RIMBP2: variants seen among roughly 807,000 people sequenced by gnomAD.
RIMBP2 encodes RIMS-binding protein 2.
In RIMBP2, 48 loss-of-function variants were observed where a neutral mutation model predicts 118.6. The observed-to-expected ratio is 0.40, with a 90% CI of 0.32 to 0.51. RIMBP2 has a LOEUF of 0.51. RIMBP2 is among the 20% of genes least tolerant of loss of function. The pLI, the probability that RIMBP2 is intolerant of heterozygous loss-of-function variation, is 0.41. For synonymous variants in RIMBP2, 762 were observed against 742.9 expected (o/e 1.03, Z -0.42); for missense variants, 1,551 against 1,768.3 (o/e 0.88, Z 2.20).
intron 2 of RIMBP2, among the ~76,000 whole-genome samples, chr12:130,595,436 T>C (rs1262758979): frequency 1.3e-5 from 2 of 152,070 alleles, no homozygotes; most frequent in African/African-American, 4.8e-5. Context: ...CGGGCGCCTG[T>C]AGTCCCAGCT....
intron 1 of RIMBP2, among the ~76,000 whole-genome samples, chr12:130,715,607 C>G (rs1950273328): frequency 2.0e-5 from 3 of 152,270 alleles, no homozygotes; most frequent in East Asian, 1.9e-4. Context: ...CGCACACACT[C>G]TGCCGGGGAA....
At chr12:130,438,016 C>T (rs906074720) in intron 12 of RIMBP2, among the ~76,000 whole-genome samples, 9 of 152,200 alleles carry the variant, frequency 5.9e-5, no homozygotes, top group Admixed American at 1.3e-4. Context: ...TAAGGCGGGA[C>T]GCGCCTTCGG....
chr12:130,591,892 A>G (rs554460942), intron 2 of RIMBP2, among the ~76,000 whole-genome samples: 1 of 152,366 alleles, frequency 6.6e-6, no homozygotes, highest in South Asian at 2.1e-4. Flanking sequence ...CTCAAAGTTA[A>G]CTGTGCATTT....
chr12:130,543,714 G>A (rs531226853), intron 2 of RIMBP2, among the ~76,000 whole-genome samples: 1 of 151,058 alleles, frequency 6.6e-6, no homozygotes, highest in South Asian at 2.1e-4. Flanking sequence ...GACACCACAT[G>A]AATTTGGCCA....
Position 130,475,813 on chromosome 12 carries a change from T to C in RIMBP2, c.102+3099A>G, listed in dbSNP as rs1391252911. Among the ~76,000 whole-genome samples, 1 of 151,526 alleles carries C rather than the reference T, an allele frequency of 6.6e-6. No individual in the cohort carries two copies. Among genetic ancestry groups the C allele is most frequent in the Non-Finnish European group, 1.5e-5 (1 of 67,908 alleles). On this transcript the variant is annotated intron_variant, in intron 5 of 22. Transcript: ENST00000690449. The surrounding 1 kb of genome is among the most constrained non-coding windows in gnomAD (Gnocchi z 4.1). The stretch of plus-strand genomic sequence containing the variant: ...GTACAAAAACGGGAGATGCTGCCGT[T>C]TACGGAGCTCAAGGAGTTCAGCAGA...
At chr12:130,559,024 C>A (rs1405711275) in intron 2 of RIMBP2, among the ~76,000 whole-genome samples, 3 of 151,936 alleles carry the variant, frequency 2.0e-5, no homozygotes, top group Non-Finnish European at 4.4e-5. Context: ...TATGCCAATA[C>A]CTTGTTTTTT....
At chr12:130,579,734 G>A (rs141115704) in intron 2 of RIMBP2, among the ~76,000 whole-genome samples, 15 of 152,060 alleles carry the variant, frequency 9.9e-5, no homozygotes, top group South Asian at 2.1e-4. Context: ...ACTCGTGCCC[G>A]GTCAATAAAT....
intron 2 of RIMBP2, among the ~76,000 whole-genome samples, chr12:130,555,851 G>A (rs937722159): frequency 2.6e-5 from 4 of 152,126 alleles, no homozygotes; most frequent in Admixed American, 1.3e-4. Flanking sequence ...AAAGTTAATC[G>A]TCATCTGGTT....
chr12:130,624,965 C>T (rs542253162), intron 2 of RIMBP2, among the ~76,000 whole-genome samples: 54 of 152,240 alleles, frequency 3.5e-4, no homozygotes, highest in African/African-American at 1.2e-3. Flanking sequence ...CCTTGTGATC[C>T]GCCCACGTCG....
intron 1 of RIMBP2, among the ~76,000 whole-genome samples, chr12:130,646,037 AGTTC>A (rs2062863016): frequency 6.6e-6 from 1 of 151,956 alleles, no homozygotes; most frequent in African/African-American, 2.4e-5. Flanking sequence ...TGCGGCAGCC[AGTTC>A]CCTCTCCACC....
intron 1 of RIMBP2, among the ~76,000 whole-genome samples, chr12:130,652,284 G>GTATC (rs2063260417): frequency 6.6e-6 from 1 of 152,178 alleles, no homozygotes; most frequent in African/African-American, 2.4e-5. Context: ...TGTTTACATA[G>GTATC]TATCTATGGC....
chr12:130,462,069 G>A (rs1411707382), intron 6 of RIMBP2, among the ~76,000 whole-genome samples: 1 of 152,218 alleles, frequency 6.6e-6, no homozygotes, highest in Non-Finnish European at 1.5e-5. Flanking sequence ...TGGCCGTGGT[G>A]CTGCTCTGCA....
chr12:130,683,204 A>T lies in RIMBP2; in HGVS notation c.-352+33018T>A, dbSNP rs900545244. ...CCACATAAGAGGTAGAAAAGGACAC[A>T]CACAGACACGGGAAAGCTCACACGG... On this transcript the variant is annotated intron_variant, in intron 1 of 22. Coordinates refer to ENST00000690449, the MANE Select transcript of RIMBP2 (RefSeq NM_001393629.1). The surrounding 1 kb of genome is among the most constrained non-coding windows in gnomAD (Gnocchi z 4.4). 6.6e-6 allele frequency among the ~76,000 whole-genome samples: 1 copy of T among 152,164 alleles called. No homozygotes were observed. Among genetic ancestry groups the T allele is most frequent in the African/African-American group, 2.4e-5 (1 of 41,434 alleles).
intron 1 of RIMBP2, among the ~76,000 whole-genome samples, chr12:130,706,275 A>C (rs759231802): frequency 1.3e-4 from 20 of 152,260 alleles, no homozygotes; most frequent in Non-Finnish European, 2.8e-4. Flanking sequence ...CAAGATACTA[A>C]GCACTTTTCC....
chr12:130,517,204 T>C (rs1425558318), intron 3 of RIMBP2, among the ~76,000 whole-genome samples: 1 of 152,026 alleles, frequency 6.6e-6, no homozygotes, highest in Non-Finnish European at 1.5e-5. Context: ...ACTGCTGGCT[T>C]AATAAGAAGA....
chr12:130,554,733 C>G (rs927310275), intron 2 of RIMBP2, among the ~76,000 whole-genome samples: 2 of 152,082 alleles, frequency 1.3e-5, no homozygotes, highest in Non-Finnish European at 1.5e-5. Flanking sequence ...AGAGAGGAAA[C>G]AGAGACAATA....
intron 2 of RIMBP2, among the ~76,000 whole-genome samples, chr12:130,604,581 TCTTTC>T: frequency 1.5e-5 from 1 of 67,802 alleles, no homozygotes; most frequent in South Asian, 7.5e-4. Context: ...ATGCCCCTTT[TCTTTC>T]TTTTTTTTTT....
At chr12:130,679,414 T>C (rs1307323120) in intron 1 of RIMBP2, among the ~76,000 whole-genome samples, 1 of 152,246 alleles carries the variant, frequency 6.6e-6, no homozygotes, top group Non-Finnish European at 1.5e-5. Flanking sequence ...CTCTTTTCTC[T>C]TGGAGAAACC....
intron 1 of RIMBP2, among the ~76,000 whole-genome samples, chr12:130,700,298 G>T (rs960032385): frequency 6.6e-6 from 1 of 152,186 alleles, no homozygotes. Flanking sequence ...GATGCCTGGA[G>T]TTGAGGAATC....
Sources: allele counts gnomAD v4.1 joint callset (sites outside exome capture counted in the v4.1 genomes callset), GRCh38; gene constraint gnomAD v4.1.1; non-coding constraint Gnocchi (gnomAD v3.1); transcripts MANE v1.5; gene names NCBI Gene and HGNC (gene_info 2026-07-23, HGNC 2026-07-21).